Variants in C18orf63 observed in about 807,000 individuals in gnomAD.
C18orf63 encodes uncharacterized protein C18orf63.
A neutral mutation model predicts 75.3 loss-of-function variants in C18orf63; 50 were observed. The observed-to-expected ratio is 0.66, with a 90% confidence interval of 0.53 to 0.84. The LOEUF (loss-of-function observed/expected upper bound fraction) is 0.84, where lower values mean the gene tolerates loss of function less well. Ranked by LOEUF, C18orf63 falls within the 40% of genes least tolerant of loss-of-function variation. The probability of loss-of-function intolerance (pLI) is 0.00; values close to 1 mark genes in which losing one functional copy is unlikely to be tolerated. For missense variants in C18orf63, 732 were observed against 800.2 expected, an observed-to-expected ratio of 0.91 and a Z score of 1.03; for synonymous variants, 232 against 267.6, an observed-to-expected ratio of 0.87 and a Z score of 1.30.
chr18:74,331,416 A>G (rs1344454485), intron 7 of C18orf63, among the ~76,000 whole-genome samples: 1 of 152,228 alleles, frequency 6.6e-6, no homozygotes, highest in African/African-American at 2.4e-5. Context: ...GGATTCCCAT[A>G]GCACCTAGCA....
chr18:74,325,341 A>G (rs1053858910), intron 4 of C18orf63, among the ~76,000 whole-genome samples: 5 of 152,178 alleles, frequency 3.3e-5, no homozygotes, highest in African/African-American at 1.2e-4. Context: ...AGGATTTTCC[A>G]GGGATCTTTT....
chr18:74,349,773 A>G (rs971171503), intron 11 of C18orf63, among the ~76,000 whole-genome samples: 3 of 152,098 alleles, frequency 2.0e-5, no homozygotes, highest in African/African-American at 7.2e-5. Flanking sequence ...ATGGTGCCCT[A>G]CATTCTGCTC....
intron 11 of C18orf63, among the ~76,000 whole-genome samples, chr18:74,348,984 G>A (rs1483407579): frequency 6.6e-6 from 1 of 152,160 alleles, no homozygotes; most frequent in African/African-American, 2.4e-5. Flanking sequence ...GAAACAGTGT[G>A]TGAATATAAA....
chr18:74,346,725 T>A (rs1484662975), intron 11 of C18orf63, among the ~76,000 whole-genome samples: 1 of 152,238 alleles, frequency 6.6e-6, no homozygotes, highest in African/African-American at 2.4e-5. Flanking sequence ...AACAATGCAC[T>A]TGTTAAAATT....
intron 8 of C18orf63, among the ~76,000 whole-genome samples, chr18:74,341,005 C>G (rs1420656288): frequency 2.0e-5 from 3 of 152,062 alleles, no homozygotes; most frequent in Admixed American, 6.5e-5. Context: ...TGGCTCACGC[C>G]TGTAGTCCCA....
At chr18:74,354,976 T>A (rs1984739017) in intron 13 of C18orf63, among the ~76,000 whole-genome samples, 1 of 152,242 alleles carries the variant, frequency 6.6e-6, no homozygotes, top group Admixed American at 6.5e-5. Flanking sequence ...AGTGCTACAG[T>A]GCTGGCTATG....
chr18:74,341,831 T>C (rs1012657326), intron 8 of C18orf63, among the ~76,000 whole-genome samples: 2 of 151,790 alleles, frequency 1.3e-5, no homozygotes, highest in African/African-American at 4.8e-5. Flanking sequence ...TGATAAATAA[T>C]ATATACTATT....
At chr18:74,352,487 G>T (rs111634388) in intron 11 of C18orf63, among the ~76,000 whole-genome samples, 1 of 35,860 alleles carries the variant, frequency 2.8e-5, no homozygotes, top group Admixed American at 2.2e-4. Context: ...TAATGTATCT[G>T]ACAAATTTCT....
chr18:74,327,873 T>C, intron 4 of C18orf63, 74 bp from the exon 5 acceptor site: 1 of 867,658 alleles, frequency 1.2e-6, no homozygotes, highest in Non-Finnish European at 1.8e-6. Context: ...AAATGGGCAG[T>C]CATTTCCTAT....
At chr18:74,339,606 C>A (rs1470324436) in intron 8 of C18orf63, among the ~76,000 whole-genome samples, 1 of 152,110 alleles carries the variant, frequency 6.6e-6, no homozygotes, top group African/African-American at 2.4e-5. Context: ...CCACTCTCTC[C>A]ACTTCTGTTC....
At chr18:74,329,453 C>T (rs1413388673) in intron 6 of C18orf63, among the ~76,000 whole-genome samples, 1 of 150,806 alleles carries the variant, frequency 6.6e-6, no homozygotes, top group African/African-American at 2.4e-5. Context: ...TGTATAAGAC[C>T]TTAATCAGAT....
At chr18:74,347,946 T>C (rs1418030526) in intron 11 of C18orf63, among the ~76,000 whole-genome samples, 1 of 152,192 alleles carries the variant, frequency 6.6e-6, no homozygotes, top group African/African-American at 2.4e-5. Flanking sequence ...GTGTTTTACC[T>C]GTAAAGACTA....
rs1470368856 is a variant in C18orf63, at chr18:74,342,265, T to A, written c.733T>A (p.Cys245Ser). 1.3e-6 allele frequency: 2 copies of A among 1,532,876 alleles called. No individual in the cohort carries two copies. The highest frequency in any genetic ancestry group is 1.7e-6 in the Non-Finnish European group (2 of 1,144,194). The allele number at this position is 1,532,876 out of a possible 1,614,324, so 95.0% of individuals were successfully genotyped here. The part of the protein sequence containing the change: ...ALYGYKLPGD[C>S]GKIKIYCNIY... ...GTATGGCTATAAACTTCCAGGTGATTGTGGAAAAATTAAAATATACTGCAA... is the reference window on the plus strand; with the variant it reads ...GTATGGCTATAAACTTCCAGGTGATAGTGGAAAAATTAAAATATACTGCAA... The change falls in exon 10 of 14, where the codon TGT becomes AGT. Residue 245 changes from cysteine (C) to serine (S), a missense_variant. Around this residue, in one of 3 missense-constraint regions of C18orf63, gnomAD observed 495 missense variants for 508.7 expected, o/e 0.97. Transcript: ENST00000579455.
chr18:74,321,209 T>C (rs1337214654), intron 3 of C18orf63, among the ~76,000 whole-genome samples: 1 of 152,200 alleles, frequency 6.6e-6, no homozygotes, highest in Non-Finnish European at 1.5e-5. Context: ...TTGACAATGC[T>C]GATAAATCAT....
At position 74,353,575 on chromosome 18, in the gene C18orf63, A is replaced by G. The variant is rs1284314127; in HGVS notation, c.1308A>G (p.Val436=). The change falls in exon 12 of 14, where the codon GTA becomes GTG. Residue 436 remains valine (V), a synonymous_variant. Transcript: ENST00000579455. The stretch of plus-strand genomic sequence containing the variant: ...AAAGCAACATCACCCCTAAGTTTGT[A>G]CCAGTTTTCAAAAATAGATTGTTAC... The part of the protein sequence containing the change: ...SSQSNITPKF[V]PVFKNRLLQM... The G allele has an allele frequency of 6.5e-7, 1 of 1,536,404 alleles. No individual in the cohort carries two copies. Among genetic ancestry groups the G allele is most frequent in the African/African-American group, 1.4e-5 (1 of 73,068 alleles).
At chr18:74,327,820 A>G (rs1335273156) in intron 4 of C18orf63, 127 bp from the exon 5 acceptor site, 20 of 620,906 alleles carry the variant, frequency 3.2e-5, no homozygotes, top group East Asian at 1.9e-4. Flanking sequence ...AGCAATGGCT[A>G]TAAGTTTTAC....
At chr18:74,327,634 G>A (rs938078892) in intron 4 of C18orf63, among the ~76,000 whole-genome samples, 19 of 152,168 alleles carry the variant, frequency 1.2e-4, no homozygotes, top group African/African-American at 4.6e-4. Context: ...ATTTCTCTTT[G>A]TGGAGCAGAA....
In C18orf63 at chr18:74,332,574, A is replaced by G. The variant is rs11872143; in HGVS notation, c.501+1632A>G. Among the ~76,000 whole-genome samples the G allele has an allele frequency of 3.8e-3, 578 of 152,196 alleles. 2 individuals are homozygous for G. Among genetic ancestry groups the G allele is most frequent in the African/African-American group, 0.013 (548 of 41,536 alleles). On this transcript the variant is annotated intron_variant, in intron 7 of 13. Transcript: ENST00000579455. ...AAACATTAGCTGGGCATGGTGGTGC[A>G]TTCCTGTAATCCCAGCTACTCGGGA...
intron 4 of C18orf63, among the ~76,000 whole-genome samples, chr18:74,326,365 G>A (rs1322931479): frequency 1.3e-5 from 2 of 152,160 alleles, no homozygotes; most frequent in African/African-American, 2.4e-5. Flanking sequence ...TTTCTGGACT[G>A]TATTTTCAAG....
Sources: gnomAD v4.1 joint callset for allele counts (sites outside exome capture counted in the v4.1 genomes callset) on GRCh38, gnomAD v4.1.1 for gene constraint, gnomAD v4.1.1 regional missense constraint, MANE v1.5 for transcripts, NCBI Gene and HGNC (gene_info 2026-07-23, HGNC 2026-07-21) for gene names.